The following LANCL2 variants were observed in gnomAD, a reference collection of about 807,000 sequenced individuals.
LANCL2 encodes the protein LanC like glutathione S-transferase 2.
LANCL2 carries 33 observed loss-of-function variants against 56.9 expected under a neutral mutation model. That is an observed-to-expected ratio of 0.58 (90% CI 0.44 to 0.78). The LOEUF (loss-of-function observed/expected upper bound fraction) is 0.78. Among genes scored for constraint, LANCL2 ranks in the 30% least tolerant of loss-of-function variants. LANCL2 has a pLI of 0.00. For synonymous variants in LANCL2, 233 were observed against 228.2 expected (o/e 1.02, Z -0.19); for missense variants, 562 against 580.2 (o/e 0.97, Z 0.32).
chr7:55,367,193 A>C (rs1237690671), intron 1 of LANCL2, among the ~76,000 whole-genome samples: 1 of 152,242 alleles, frequency 6.6e-6, no homozygotes, highest in Non-Finnish European at 1.5e-5. Context: ...AAAAGTGGGA[A>C]TAAAACAGAA....
At chr7:55,383,752 G>A (rs556489141) in intron 1 of LANCL2, among the ~76,000 whole-genome samples, 7 of 152,302 alleles carry the variant, frequency 4.6e-5, no homozygotes, top group Admixed American at 6.5e-5. Flanking sequence ...CAGGAGAATC[G>A]CTTGAACCTG....
chr7:55,380,627 T>C (rs1253439236), intron 1 of LANCL2, among the ~76,000 whole-genome samples: 2 of 152,060 alleles, frequency 1.3e-5, no homozygotes, highest in Non-Finnish European at 2.9e-5. Context: ...TTACAGTGCG[T>C]GATTGGAGGA....
chr7:55,378,518 GTA>G (rs928643137), intron 1 of LANCL2, among the ~76,000 whole-genome samples: 1 of 117,936 alleles, frequency 8.5e-6, no homozygotes, highest in African/African-American at 4.6e-5. Context: ...ATGTATATGT[GTA>G]TATATATGTA....
Position 55,418,064 on chromosome 7 carries a change from A to G in LANCL2, c.1008+5975A>G, listed in dbSNP as rs943101663. 1.0e-3 allele frequency among the ~76,000 whole-genome samples: 152 copies of G among 152,232 alleles called. 1 individual carries two copies. The highest frequency in any genetic ancestry group is 3.9e-4 in the East Asian group (2 of 5,180). On this transcript the variant is annotated intron_variant, in intron 6 of 8. Coordinates refer to ENST00000254770, the MANE Select transcript of LANCL2 (RefSeq NM_018697.4). ...TTTATATTTTCTTTAATTTCTGTCA[A>G]TAGTGCTTTATAGTTTTTGCTCTAC... is the stretch of plus-strand genomic sequence containing the variant.
intron 6 of LANCL2, among the ~76,000 whole-genome samples, chr7:55,416,386 G>A (rs1175053874): frequency 6.6e-6 from 1 of 152,042 alleles, no homozygotes; most frequent in African/African-American, 2.4e-5. Flanking sequence ...TCAGGGCTCA[G>A]GTGATCCTCC....
rs1377423733 is a variant in LANCL2 at position 55,403,216 on chromosome 7, G to A, written c.825+1896G>A. ...GGCACCTCGGGAGGCCGAGGCTGGC[G>A]GATCACTCGCGGTTAGGAGCTGGAG... On this transcript the variant is annotated intron_variant, in intron 5 of 8. Coordinates refer to ENST00000254770, the MANE Select transcript of LANCL2 (RefSeq NM_018697.4). 2.6e-4 allele frequency among the ~76,000 whole-genome samples: 40 copies of A among 152,362 alleles called. 1 individual carries two copies. Among genetic ancestry groups the A allele is most frequent in the African/African-American group, 9.4e-4 (39 of 41,578 alleles).
At chr7:55,429,226 CTG>C (rs752960581) in intron 8 of LANCL2, among the ~76,000 whole-genome samples, 24 of 152,152 alleles carry the variant, frequency 1.6e-4, no homozygotes, top group Non-Finnish European at 3.1e-4. Flanking sequence ...CTGGGACAGA[CTG>C]TGTTAATTGG....
intron 1 of LANCL2, among the ~76,000 whole-genome samples, chr7:55,376,056 C>G (rs898870002): frequency 2.0e-5 from 3 of 152,138 alleles, no homozygotes; most frequent in African/African-American, 7.2e-5. Context: ...ATCCAGCATC[C>G]TCTCCCTATT....
intron 6 of LANCL2, among the ~76,000 whole-genome samples, chr7:55,421,605 A>T (rs1476245112): frequency 6.6e-6 from 1 of 152,134 alleles, no homozygotes; most frequent in African/African-American, 2.4e-5. Context: ...GGCCTCCCTA[A>T]GTGCTGGGAT....
chr7:55,422,386 C>G (rs1391992409), intron 6 of LANCL2, among the ~76,000 whole-genome samples: 1 of 152,162 alleles, frequency 6.6e-6, no homozygotes, highest in African/African-American at 2.4e-5. Flanking sequence ...ATTCTTTGCA[C>G]TATTCTCTTG....
chr7:55,369,399 G>T (rs1480518464), intron 1 of LANCL2, among the ~76,000 whole-genome samples: 1 of 152,136 alleles, frequency 6.6e-6, no homozygotes, highest in Non-Finnish European at 1.5e-5. Context: ...TAGGTATGTG[G>T]TGTGATCAGT....
intron 4 of LANCL2, 94 bp from the exon 5 acceptor site, chr7:55,401,080 C>A (rs815929): frequency 0.86 from 656,853 of 767,080 alleles, 283,058 homozygotes; most frequent in African/African-American, 0.97. Flanking sequence ...GCCTCTCTCT[C>A]TATATATGTC....
At position 55,366,353 on chromosome 7, in the gene LANCL2, C is replaced by T. The variant is rs1003664424; in HGVS notation, c.204+124C>T. 5.1e-6 allele frequency: 4 copies of T among 783,888 alleles called. No individual in the cohort carries two copies. In the African/African-American group the frequency reaches 5.5e-5, roughly 11 times the overall value. 48.6% of individuals were successfully genotyped at this position (783,888 alleles called of 1,614,324 possible). On this transcript the variant is annotated intron_variant, in intron 1 of 8. Coordinates refer to ENST00000254770, the MANE Select transcript of LANCL2 (RefSeq NM_018697.4). ...TTGGGAGGGCGCGGGATGATAGCGCCTAGCACCTGTCTCCGGGCCTTCCCG... is the reference window on the plus strand; with the variant it reads ...TTGGGAGGGCGCGGGATGATAGCGCTTAGCACCTGTCTCCGGGCCTTCCCG...
chr7:55,419,342 C>T (rs2091324), intron 6 of LANCL2, among the ~76,000 whole-genome samples: 97,991 of 150,062 alleles, frequency 0.65, 32,258 homozygotes, highest in Admixed American at 0.72. Context: ...GTTATTCATA[C>T]CTCTTTTTTT....
At chr7:55,374,621 G>C (rs1288576568) in intron 1 of LANCL2, among the ~76,000 whole-genome samples, 1 of 151,986 alleles carries the variant, frequency 6.6e-6, no homozygotes, top group African/African-American at 2.4e-5. Context: ...TATTCATTTT[G>C]TTTGCAAAAT....
At position 55,425,103 on chromosome 7, in the gene LANCL2, G is replaced by A. The variant is rs1221207947; in HGVS notation, c.1009-151G>A. On this transcript the variant is annotated intron_variant, in intron 6 of 8. Transcript: ENST00000254770. ...CGAGATTCTATGTACTGTGTTGCTG[G>A]TGTTTTTTTGTTTGTTTGTCTGTTT... is the stretch of plus-strand genomic sequence containing the variant. 8.7e-6 allele frequency: 6 copies of A among 691,426 alleles called. No homozygotes were observed. The East Asian group carries it at 1.6e-4, about 19-fold the overall frequency. The allele number at this position is 691,426 out of a possible 1,614,324, so 42.8% of individuals were successfully genotyped here.
chr7:55,413,104 C>A (rs536854950), intron 6 of LANCL2, among the ~76,000 whole-genome samples: 3 of 152,154 alleles, frequency 2.0e-5, no homozygotes. Flanking sequence ...CAGAAAGTTA[C>A]GACGTTTGGT....
At chr7:55,374,633 G>C (rs908446203) in intron 1 of LANCL2, among the ~76,000 whole-genome samples, 1 of 152,032 alleles carries the variant, frequency 6.6e-6, no homozygotes, top group Admixed American at 6.6e-5. Flanking sequence ...TTGCAAAATG[G>C]AACAAAGCAA....
intron 6 of LANCL2, among the ~76,000 whole-genome samples, chr7:55,414,123 G>A (rs1442092259): frequency 6.6e-6 from 1 of 152,118 alleles, no homozygotes; most frequent in African/African-American, 2.4e-5. Context: ...TAGAATTGGG[G>A]GTAAAAATAC....
Sources: allele counts gnomAD v4.1 joint callset (sites outside exome capture counted in the v4.1 genomes callset), GRCh38; gene constraint gnomAD v4.1.1; transcripts MANE v1.5; gene names NCBI Gene and HGNC (gene_info 2026-07-23, HGNC 2026-07-21).